Variants in LHFPL3 observed in about 807,000 individuals in gnomAD.
LHFPL3 encodes the protein LHFPL tetraspan subfamily member 3, also known as LHFPL tetraspan subfamily member 3 protein.
LHFPL3 carries 5 observed loss-of-function variants against 19.3 expected under a neutral mutation model. The ratio of observed to expected loss-of-function variants is 0.26; its 90% CI spans 0.14 to 0.54. LHFPL3 has a LOEUF of 0.54. Ranked by LOEUF, LHFPL3 falls within the 20% of genes least tolerant of loss-of-function variation. The pLI is 0.94. For synonymous variants in LHFPL3, 133 were observed against 126.2 expected (o/e 1.05, Z -0.36); for missense variants, 249 against 307.4 (o/e 0.81, Z 1.42).
chr7:104,899,888 T>C lies in LHFPL3; in HGVS notation c.683-6299T>C, dbSNP rs568663079. On this transcript the variant is annotated intron_variant, in intron 2 of 2. Coordinates refer to ENST00000424859, the MANE Select transcript of LHFPL3 (RefSeq NM_199000.3). ...CTGGGATTACAAGCACCTGCCACCATACCTGGCTAATTTTTGTATTTTTAG... is the reference window on the plus strand; with the variant it reads ...CTGGGATTACAAGCACCTGCCACCACACCTGGCTAATTTTTGTATTTTTAG... 2.0e-5 allele frequency among the ~76,000 whole-genome samples: 3 copies of C among 152,274 alleles called. No homozygotes were observed. In the South Asian group the frequency reaches 6.2e-4, roughly 32 times the overall value.
At chr7:104,500,626 C>T (rs1402469847) in intron 1 of LHFPL3, among the ~76,000 whole-genome samples, 2 of 152,168 alleles carry the variant, frequency 1.3e-5, no homozygotes, top group African/African-American at 4.8e-5. Context: ...TCACCTGGAC[C>T]ATTATAATAT....
intron 1 of LHFPL3, among the ~76,000 whole-genome samples, chr7:104,494,041 G>A (rs998248266): frequency 1.3e-5 from 2 of 151,986 alleles, no homozygotes; most frequent in African/African-American, 4.8e-5. Context: ...CATCTCTTTT[G>A]TTATGACTAG....
intron 1 of LHFPL3, among the ~76,000 whole-genome samples, chr7:104,637,826 C>CTTTTTTTTTTTTTTT (rs375790026): frequency 9.2e-6 from 1 of 108,952 alleles, no homozygotes. Flanking sequence ...ATGCCTCCAG[C>CTTTTTTTTTTTTTTT]TTTTTTTTTT....
At chr7:104,850,581 G>A (rs909760324) in intron 2 of LHFPL3, among the ~76,000 whole-genome samples, 3 of 152,174 alleles carry the variant, frequency 2.0e-5, no homozygotes, top group Admixed American at 6.5e-5. Context: ...ACAGGAAGTA[G>A]GTTACACCTG....
chr7:104,764,647 A>G (rs544737922), intron 2 of LHFPL3, among the ~76,000 whole-genome samples: 2 of 152,330 alleles, frequency 1.3e-5, no homozygotes, highest in South Asian at 4.1e-4. Flanking sequence ...CGCCTTATAC[A>G]GTTTACATGA....
chr7:104,676,288 C>T (rs1291318030), intron 1 of LHFPL3, among the ~76,000 whole-genome samples: 1 of 152,158 alleles, frequency 6.6e-6, no homozygotes, highest in Non-Finnish European at 1.5e-5. Context: ...ATATCCCTGG[C>T]ATAGAAATAA....
At chr7:104,814,605 A>G (rs9656107) in intron 2 of LHFPL3, among the ~76,000 whole-genome samples, 151,601 of 152,290 alleles carry the variant, frequency 1, 75,461 homozygotes, top group Middle Eastern at 1. Flanking sequence ...GCCCCGTTCC[A>G]CCCAGGAACC....
At chr7:104,882,362 C>T (rs1166144342) in intron 2 of LHFPL3, among the ~76,000 whole-genome samples, 1 of 152,196 alleles carries the variant, frequency 6.6e-6, no homozygotes, top group Non-Finnish European at 1.5e-5. Flanking sequence ...ATTCTCCCGC[C>T]TCAGCCTCCC....
rs1584470408 is a variant in LHFPL3, at chr7:104,668,012, C to T, written c.446-68663C>T. ...CTCGGGAACCCAATATCGACCGGAGCCGTCTTCCCAAATCGCCACCCTACA... is the reference window on the plus strand; with the variant it reads ...CTCGGGAACCCAATATCGACCGGAGTCGTCTTCCCAAATCGCCACCCTACA... On this transcript the variant is annotated intron_variant, in intron 1 of 2. Transcript: ENST00000424859. The T allele has an allele frequency of 1.4e-5, 23 of 1,613,718 alleles. No individual in the cohort carries two copies. In the East Asian group the frequency reaches 4.9e-4, roughly 34 times the overall value.
intron 2 of LHFPL3, among the ~76,000 whole-genome samples, chr7:104,831,725 G>C (rs928693963): frequency 1.3e-5 from 2 of 151,876 alleles, no homozygotes; most frequent in Non-Finnish European, 2.9e-5. Context: ...AAAAAAAGAT[G>C]CTTTAAAAAA....
intron 1 of LHFPL3, among the ~76,000 whole-genome samples, chr7:104,337,930 G>A (rs1025384903): frequency 6.6e-6 from 1 of 152,016 alleles, no homozygotes; most frequent in Admixed American, 6.6e-5. Flanking sequence ...ATAGAGAAAG[G>A]AATGCTCTAC....
At chr7:104,394,825 C>T (rs570868760) in intron 1 of LHFPL3, among the ~76,000 whole-genome samples, 7 of 151,998 alleles carry the variant, frequency 4.6e-5, no homozygotes, top group South Asian at 2.1e-4. Flanking sequence ...CTCAGCCTCC[C>T]GAGTAGCTGG....
At chr7:104,776,171 A>G (rs757780703) in intron 2 of LHFPL3, among the ~76,000 whole-genome samples, 20 of 152,214 alleles carry the variant, frequency 1.3e-4, no homozygotes, top group Non-Finnish European at 2.6e-4. Context: ...CTAGGAAGCA[A>G]GTCACTCTGT....
At chr7:104,738,141 T>C (rs1793864477) in intron 2 of LHFPL3, among the ~76,000 whole-genome samples, 1 of 152,186 alleles carries the variant, frequency 6.6e-6, no homozygotes. Context: ...AAAAATATTC[T>C]AAACACAAAA....
At chr7:104,587,064 C>T (rs986373211) in intron 1 of LHFPL3, among the ~76,000 whole-genome samples, 3 of 151,948 alleles carry the variant, frequency 2.0e-5, no homozygotes, top group East Asian at 1.9e-4. Context: ...GAAAAACGCT[C>T]ATTGAGTTAT....
At chr7:104,392,622 A>G (rs1791098903) in intron 1 of LHFPL3, among the ~76,000 whole-genome samples, 1 of 152,184 alleles carries the variant, frequency 6.6e-6, no homozygotes, top group Non-Finnish European at 1.5e-5. Flanking sequence ...ATCAATGTTC[A>G]TCAGGGATAT....
intron 1 of LHFPL3, among the ~76,000 whole-genome samples, chr7:104,637,709 C>T (rs1211450584): frequency 6.6e-6 from 1 of 151,496 alleles, no homozygotes; most frequent in African/African-American, 2.4e-5. Context: ...AGCCTTATGT[C>T]GGGGCTCTCT....
At chr7:104,627,089 A>C (rs535330856) in intron 1 of LHFPL3, among the ~76,000 whole-genome samples, 1 of 152,124 alleles carries the variant, frequency 6.6e-6, no homozygotes, top group Admixed American at 6.6e-5. Context: ...TATTCCTCCT[A>C]TCTAACCGAA....
intron 1 of LHFPL3, among the ~76,000 whole-genome samples, chr7:104,603,821 T>C (rs1326556942): frequency 2.0e-5 from 3 of 152,250 alleles, no homozygotes; most frequent in Non-Finnish European, 4.4e-5. Flanking sequence ...GTCCTTTGAC[T>C]CTATGCCCCA....
Sources: gnomAD v4.1 joint callset for allele counts (sites outside exome capture counted in the v4.1 genomes callset) on GRCh38, gnomAD v4.1.1 for gene constraint, MANE v1.5 for transcripts, NCBI Gene and HGNC (gene_info 2026-07-23, HGNC 2026-07-21) for gene names.